BTG2: variants seen among roughly 807,000 people sequenced by gnomAD.
BTG2 encodes the protein BTG anti-proliferation factor 2.
BTG2 carries 9 observed loss-of-function variants against 13.1 expected under a neutral mutation model. The observed-to-expected ratio is 0.69, with a 90% CI of 0.41 to 1.20. The LOEUF (loss-of-function observed/expected upper bound fraction) is 1.20, where lower values mean the gene tolerates loss of function less well. BTG2 is among the 50% of genes most tolerant of loss of function. The pLI, the probability that BTG2 is intolerant of heterozygous loss-of-function variation, is 0.00. For synonymous variants in BTG2, 92 were observed against 88.6 expected, an observed-to-expected ratio of 1.04 and a Z score of -0.21; for missense variants, 200 against 209.5, an observed-to-expected ratio of 0.95 and a Z score of 0.28.
intron 1 of BTG2, among the ~76,000 whole-genome samples, chr1:203,306,561 G>C (rs530114731): frequency 6.6e-6 from 1 of 152,188 alleles, no homozygotes; most frequent in East Asian, 1.9e-4. Flanking sequence ...GCTAAGGAAG[G>C]TTCTCTGACT....
chr1:203,306,284 GT>G, intron 1 of BTG2, among the ~76,000 whole-genome samples: 1 of 152,232 alleles, frequency 6.6e-6, no homozygotes. Flanking sequence ...GTTATCTTTG[GT>G]TCCCCTTAGC....
intron 1 of BTG2, among the ~76,000 whole-genome samples, chr1:203,306,422 C>T (rs1658275079): frequency 2.0e-5 from 3 of 152,178 alleles, no homozygotes; most frequent in East Asian, 3.9e-4. Flanking sequence ...TCTCTCCCAG[C>T]TGTTTCTAGC....
chr1:203,307,142 A>C lies in BTG2; in HGVS notation c.181A>C (p.Lys61Gln). 6.2e-7 allele frequency: 1 copy of C among 1,614,198 alleles called. No individual in the cohort carries two copies. Among genetic ancestry groups the C allele is most frequent in the Non-Finnish European group, 8.5e-7 (1 of 1,180,034 alleles). ...KHHWFPEKPS[K>Q]GSGYRCIRIN... The stretch of plus-strand genomic sequence containing the variant: ...CCACTGGTTTCCCGAAAAGCCGTCC[A>C]AGGGCTCCGGCTACCGCTGCATTCG... Residue 61 changes from lysine to glutamine, a missense_variant, in exon 2 of 2, where the codon AAG (lysine) becomes CAG (glutamine). Coordinates refer to ENST00000290551, the MANE Select transcript of BTG2 (RefSeq NM_006763.3).
chr1:203,305,536 C>T lies in BTG2; in HGVS notation c.-71C>T, dbSNP rs1377090070. ...GTCCGGGCAGAGCCCGAGCAGCGGC[C>T]AGGGTAACGCTGTCTTGTGGACCCG... On this transcript the variant is annotated 5_prime_UTR_variant, in exon 1 of 2. Coordinates refer to ENST00000290551, the MANE Select transcript of BTG2 (RefSeq NM_006763.3). 1 of 1,509,560 alleles carries T rather than the reference C, an allele frequency of 6.6e-7. No individual in the cohort carries two copies. The highest frequency in any genetic ancestry group is 1.2e-5 in the South Asian group (1 of 80,268). The allele number at this position is 1,509,560 out of a possible 1,614,324, so 93.5% of individuals were successfully genotyped here. A position where few individuals can be genotyped will look rare whatever the true frequency, so the allele number is the denominator to read the frequency against.
chr1:203,305,846 G>T, intron 1 of BTG2, 98 bp downstream of exon 1: 2 of 1,466,488 alleles, frequency 1.4e-6, no homozygotes, highest in Non-Finnish European at 9.0e-7. Context: ...ACCCACGGGA[G>T]CAGCTTTGGG....
chr1:203,305,849 GC>G, intron 1 of BTG2, 101 bp downstream of exon 1: 1 of 1,451,876 alleles, frequency 6.9e-7, no homozygotes. Flanking sequence ...CACGGGAGCA[GC>G]TTTGGGACTC....
intron 1 of BTG2, among the ~76,000 whole-genome samples, chr1:203,306,287 C>T (rs1658270446): frequency 1.3e-5 from 2 of 152,258 alleles, no homozygotes; most frequent in Admixed American, 6.5e-5. Context: ...ATCTTTGGTT[C>T]CCCTTAGCCA....
In BTG2 at chr1:203,308,837, A is replaced by C. The variant is rs1164264463; in HGVS notation, c.*1399A>C. 9 of 152,672 alleles carry C rather than the reference A, an allele frequency of 5.9e-5. No individual in the cohort carries two copies. Among genetic ancestry groups the C allele is most frequent in the Admixed American group, 5.9e-4 (9 of 15,286 alleles). 9.5% of individuals were successfully genotyped at this position (152,672 alleles called of 1,614,324 possible). ...AATATATACTGTTGTGGGTTGGAGA[A>C]AAGTGGAAAGCTACACTGGGAAGAA... On this transcript the variant is annotated 3_prime_UTR_variant, in exon 2 of 2. Coordinates refer to ENST00000290551, the MANE Select transcript of BTG2 (RefSeq NM_006763.3).
intron 1 of BTG2, 42 bp downstream of exon 1, chr1:203,305,790 C>G (rs1658244079): frequency 6.5e-7 from 1 of 1,527,756 alleles, no homozygotes; most frequent in South Asian, 1.2e-5. Flanking sequence ...GGGGGTCGGC[C>G]CCATCCCTGC....
rs931576651 is a variant in BTG2 at position 203,308,291 on chromosome 1, A to C, written c.*853A>C. On this transcript the variant is annotated 3_prime_UTR_variant, in exon 2 of 2. Transcript: ENST00000290551. ...CCACTGGGGATGTTTTTTGGCCAAA[A>C]CTCTTCCTTTTGGAACCACATGAAA... is the stretch of plus-strand genomic sequence containing the variant. 4.0e-5 allele frequency: 6 copies of C among 150,940 alleles called. No homozygotes were observed. Among genetic ancestry groups the C allele is most frequent in the Non-Finnish European group, 7.4e-5 (5 of 67,594 alleles). 9.4% of individuals were successfully genotyped at this position (150,940 alleles called of 1,614,324 possible).
At position 203,305,753 on chromosome 1, in the gene BTG2, G is replaced by T. The variant is rs763748747; in HGVS notation, c.142+5G>T. On this transcript the variant is annotated splice_donor_5th_base_variant and intron_variant, in intron 1 of 1. Transcript: ENST00000290551. ...CGCTCCAGGAGGCACTCACAGGTGAGCGCATGCCGAGGGGCCTGGCGCCAC... is the reference window on the plus strand; with the variant it reads ...CGCTCCAGGAGGCACTCACAGGTGATCGCATGCCGAGGGGCCTGGCGCCAC... The T allele has an allele frequency of 5.8e-6, 9 of 1,544,256 alleles. No individual in the cohort carries two copies. The highest frequency in any genetic ancestry group is 2.8e-5 in the African/African-American group (2 of 72,566).
chr1:203,308,774 C>T lies in BTG2; in HGVS notation c.*1336C>T, dbSNP rs373141560. 1 of 152,678 alleles carries T rather than the reference C, an allele frequency of 6.5e-6. No homozygotes were observed. Among genetic ancestry groups the T allele is most frequent in the Non-Finnish European group, 1.5e-5 (1 of 68,044 alleles). The allele number at this position is 152,678 out of a possible 1,614,324, so 9.5% of individuals were successfully genotyped here. A position where few individuals can be genotyped will look rare whatever the true frequency, so the allele number is the denominator to read the frequency against. On this transcript the variant is annotated 3_prime_UTR_variant, in exon 2 of 2. Coordinates refer to ENST00000290551, the MANE Select transcript of BTG2 (RefSeq NM_006763.3). ...GAGCACCTGTGGGAAAGGTTGCTGT[C>T]TGTCTCAGTACAATCCAAATTTGTC...
chr1:203,305,931 G>C (rs1203595613), intron 1 of BTG2, among the ~76,000 whole-genome samples, 183 bp downstream of exon 1: 1 of 152,158 alleles, frequency 6.6e-6, no homozygotes, highest in African/African-American at 2.4e-5. Context: ...CCAGCCCTGT[G>C]CTCGGGTCTC....
In BTG2 at chr1:203,305,715, G is replaced by A. The variant is rs754149177; in HGVS notation, c.109G>A (p.Val37Ile). ...CTGCGTGAGCGAGCAGAGGCTTAAG[G>A]TCTTCAGCGGGGCGCTCCAGGAGGC... ...RGCVSEQRLK[V>I]FSGALQEALT... The change falls in exon 1 of 2, where the codon GTC becomes ATC. Residue 37 changes from valine to isoleucine, a missense_variant. Transcript: ENST00000290551. 8.4e-6 allele frequency: 13 copies of A among 1,552,122 alleles called. No homozygotes were observed. Among genetic ancestry groups the A allele is most frequent in the Non-Finnish European group, 9.6e-6 (11 of 1,147,568 alleles).
chr1:203,305,795 C>A (rs1488501891), intron 1 of BTG2, 47 bp downstream of exon 1: 1 of 1,527,966 alleles, frequency 6.5e-7, no homozygotes. Context: ...TCGGCCCCAT[C>A]CCTGCCAGGG....
At chr1:203,307,048 T>G (rs560933418) in intron 1 of BTG2, 56 bp from the exon 2 acceptor site, 1 of 1,495,746 alleles carries the variant, frequency 6.7e-7, no homozygotes, top group Admixed American at 1.7e-5. Context: ...CCTATGGTAG[T>G]ATCCATGGCC....
chr1:203,306,903 AG>A (rs1658292231), intron 1 of BTG2, among the ~76,000 whole-genome samples, 200 bp from the exon 2 acceptor site: 1 of 151,818 alleles, frequency 6.6e-6, no homozygotes, highest in Admixed American at 6.6e-5. Flanking sequence ...TCCTGGAAGC[AG>A]GAAAGTGGAT....
In BTG2 at chr1:203,307,158, G is replaced by A. The variant is rs1658297775; in HGVS notation, c.197G>A (p.Arg66His). The A allele has an allele frequency of 1.9e-6, 3 of 1,614,196 alleles. No individual in the cohort carries two copies. The highest frequency in any genetic ancestry group is 1.7e-6 in the Non-Finnish European group (2 of 1,180,016). The stretch of plus-strand genomic sequence containing the variant: ...AAGCCGTCCAAGGGCTCCGGCTACC[G>A]CTGCATTCGCATCAACCACAAGATG... The part of the protein sequence containing the change: ...PEKPSKGSGY[R>H]CIRINHKMDP... Residue 66 changes from arginine to histidine, a missense_variant, in exon 2 of 2, where the codon CGC becomes CAC. Physicochemically the swap from Arg to His is conservative, Grantham distance 29 (BLOSUM62 0). Transcript: ENST00000290551.
chr1:203,306,290 C>G (rs2102284522), intron 1 of BTG2, among the ~76,000 whole-genome samples: 1 of 152,282 alleles, frequency 6.6e-6, no homozygotes, highest in African/African-American at 2.4e-5. Flanking sequence ...TTTGGTTCCC[C>G]TTAGCCATCT....
Sources: allele counts gnomAD v4.1 joint callset (sites outside exome capture counted in the v4.1 genomes callset), GRCh38; gene constraint gnomAD v4.1.1; transcripts MANE v1.5; gene names NCBI Gene and HGNC (gene_info 2026-07-23, HGNC 2026-07-21).